The following ATG10 variants were observed in gnomAD, a reference collection of about 807,000 sequenced individuals.
The protein encoded by ATG10 is autophagy related 10, also known as ubiquitin-like-conjugating enzyme ATG10.
In ATG10, 30 loss-of-function variants were observed where a neutral mutation model predicts 32.1. The ratio of observed to expected loss-of-function variants is 0.94; its 90% CI spans 0.70 to 1.27. The LOEUF is 1.27. ATG10 is among the 50% of genes most tolerant of loss of function. ATG10 has a pLI of 0.00. For synonymous variants in ATG10, 87 were observed against 91.5 expected, an observed-to-expected ratio of 0.95 and a Z score of 0.28; for missense variants, 233 against 262.3, an observed-to-expected ratio of 0.89 and a Z score of 0.77.
chr5:82,210,038 TC>T (rs1482770543), intron 5 of ATG10, among the ~76,000 whole-genome samples: 7 of 152,204 alleles, frequency 4.6e-5, no homozygotes, highest in African/African-American at 1.2e-4. Context: ...AAATTCCACT[TC>T]CTTACCAAAA....
chr5:82,129,353 A>G, intron 3 of ATG10, among the ~76,000 whole-genome samples: 1 of 152,028 alleles, frequency 6.6e-6, no homozygotes, highest in South Asian at 2.1e-4. Context: ...TCAATTCATC[A>G]AACTCATTCC....
intron 2 of ATG10, among the ~76,000 whole-genome samples, chr5:82,051,636 C>T (rs1350357074): frequency 6.6e-6 from 1 of 152,114 alleles, no homozygotes; most frequent in Non-Finnish European, 1.5e-5. Flanking sequence ...AGAGTTCACC[C>T]TGGCCAGGAT....
intron 5 of ATG10, among the ~76,000 whole-genome samples, chr5:82,237,460 A>G (rs1746610222): frequency 6.6e-6 from 1 of 152,056 alleles, no homozygotes; most frequent in Non-Finnish European, 1.5e-5. Context: ...CCTGACCAAC[A>G]TGATGAAACC....
intron 5 of ATG10, among the ~76,000 whole-genome samples, chr5:82,220,554 G>A (rs1214709484): frequency 6.6e-6 from 1 of 151,860 alleles, no homozygotes; most frequent in African/African-American, 2.4e-5. Flanking sequence ...GAGCTACCGC[G>A]CCTGGCTGGA....
At chr5:82,015,928 T>C (rs1426586979) in intron 2 of ATG10, among the ~76,000 whole-genome samples, 1 of 152,204 alleles carries the variant, frequency 6.6e-6, no homozygotes, top group East Asian at 1.9e-4. Context: ...AGTTTTTCTG[T>C]GCTGTTTTTT....
rs573302983 is a variant in ATG10, at chr5:82,104,000, TCA to T, written c.216+45399_216+45400del. Among the ~76,000 whole-genome samples the T allele has an allele frequency of 1.8e-4, 27 of 152,280 alleles. No homozygotes were observed. The East Asian group carries it at 5.0e-3, about 28-fold the overall frequency. ...TGTCTTCTTTTGTTTGTAAAATTCA[TCA>T]GAGTTGCATGTAGTTATTTGCTCAT... is the stretch of plus-strand genomic sequence containing the variant. On this transcript the variant is annotated intron_variant, in intron 3 of 7. Coordinates refer to ENST00000282185, the MANE Select transcript of ATG10 (RefSeq NM_031482.5).
intron 2 of ATG10, among the ~76,000 whole-genome samples, chr5:82,034,362 A>G (rs1160866385): frequency 2.0e-5 from 3 of 152,044 alleles, no homozygotes; most frequent in African/African-American, 7.2e-5. Context: ...TAATAACTCT[A>G]TCTTCCACAT....
rs556161087 is a variant in ATG10 at position 81,985,502 on chromosome 5, C to G, written c.-12-2057C>G. Among the ~76,000 whole-genome samples the G allele has an allele frequency of 4.1e-4, 63 of 152,242 alleles. 1 individual carries two copies. In the South Asian group the frequency reaches 5.8e-3, roughly 14 times the overall value. ...TAGACCCCTTTACTTGGACATTCCA[C>G]GGGCATTTGAAATTCAAACTCAATA... On this transcript the variant is annotated intron_variant, in intron 1 of 7. Coordinates refer to ENST00000282185, the MANE Select transcript of ATG10 (RefSeq NM_031482.5).
chr5:82,089,363 G>A (rs956270885), intron 3 of ATG10, among the ~76,000 whole-genome samples: 1 of 151,838 alleles, frequency 6.6e-6, no homozygotes, highest in Non-Finnish European at 1.5e-5. Context: ...AAGATTGCAT[G>A]GTATTAGTGG....
At chr5:82,215,236 C>T (rs761808831) in intron 5 of ATG10, among the ~76,000 whole-genome samples, 3 of 152,096 alleles carry the variant, frequency 2.0e-5, no homozygotes, top group Non-Finnish European at 4.4e-5. Context: ...CTCCATAGAA[C>T]GTCTTACAAT....
chr5:82,117,005 G>T (rs1340321276), intron 3 of ATG10, among the ~76,000 whole-genome samples: 1 of 152,046 alleles, frequency 6.6e-6, no homozygotes, highest in Non-Finnish European at 1.5e-5. Context: ...CAATTTCTAA[G>T]TTTAATAGCA....
chr5:82,196,722 C>T (rs758647548), intron 5 of ATG10, among the ~76,000 whole-genome samples: 16 of 152,148 alleles, frequency 1.1e-4, no homozygotes, highest in African/African-American at 2.7e-4. Flanking sequence ...TATTTCTGGA[C>T]GCCAAATTCT....
intron 5 of ATG10, among the ~76,000 whole-genome samples, chr5:82,189,910 C>CCACT (rs1744590888): frequency 6.6e-6 from 1 of 152,210 alleles, no homozygotes; most frequent in Non-Finnish European, 1.5e-5. Context: ...CAGGCATGAG[C>CCACT]CACTGCACCT....
At chr5:82,052,394 A>G (rs72776837) in intron 2 of ATG10, among the ~76,000 whole-genome samples, 4,105 of 152,214 alleles carry the variant, frequency 0.027, 80 homozygotes, top group Middle Eastern at 0.044. Flanking sequence ...CCAAAATGCA[A>G]TCGGCACTAC....
At chr5:81,986,144 G>C (rs1327904264) in intron 1 of ATG10, among the ~76,000 whole-genome samples, 2 of 152,140 alleles carry the variant, frequency 1.3e-5, no homozygotes, top group South Asian at 2.1e-4. Context: ...TCCTGACCTC[G>C]TAATCCGCCC....
intron 4 of ATG10, among the ~76,000 whole-genome samples, chr5:82,176,757 A>C (rs1744045474): frequency 6.6e-6 from 1 of 152,196 alleles, no homozygotes; most frequent in South Asian, 2.1e-4. Flanking sequence ...ATGACATTCA[A>C]ATGTTAATTG....
chr5:82,103,736 A>G (rs1765354982), intron 3 of ATG10, among the ~76,000 whole-genome samples: 1 of 152,114 alleles, frequency 6.6e-6, no homozygotes, highest in South Asian at 2.1e-4. Context: ...GTGGTTCTCC[A>G]CAGCTTCTGC....
At chr5:82,195,901 C>T (rs1185157089) in intron 5 of ATG10, among the ~76,000 whole-genome samples, 1 of 152,130 alleles carries the variant, frequency 6.6e-6, no homozygotes, top group Non-Finnish European at 1.5e-5. Flanking sequence ...TATAACCTAG[C>T]AGTAGAATTT....
Position 82,232,147 on chromosome 5 carries a change from G to A in ATG10, c.454-20415G>A, listed in dbSNP as rs369979827. Among the ~76,000 whole-genome samples, 18 of 152,206 alleles carry A rather than the reference G, an allele frequency of 1.2e-4. No homozygotes were observed. The East Asian group carries it at 2.7e-3, about 23-fold the overall frequency. ...GGTTGCTGATTTACAGGGGTGTGCC[G>A]CAACACACCTAGCTCAAAAGTGGTG... On this transcript the variant is annotated intron_variant, in intron 5 of 7. Transcript: ENST00000282185.
Sources: gnomAD v4.1 joint callset for allele counts (sites outside exome capture counted in the v4.1 genomes callset) on GRCh38, gnomAD v4.1.1 for gene constraint, MANE v1.5 for transcripts, NCBI Gene and HGNC (gene_info 2026-07-23, HGNC 2026-07-21) for gene names.